NKAIN2: variants seen among roughly 807,000 people sequenced by gnomAD.
NKAIN2 encodes the protein sodium/potassium-transporting ATPase subunit beta-1-interacting protein 2.
A neutral mutation model predicts 32.6 loss-of-function variants in NKAIN2; 14 were observed. The observed-to-expected ratio is 0.43, with a 90% CI of 0.28 to 0.67. The LOEUF is 0.67. Among genes scored for constraint, NKAIN2 ranks in the 30% least tolerant of loss-of-function variants. NKAIN2 has a pLI of 0.17. For missense variants in NKAIN2, 198 were observed against 258.3 expected (o/e 0.77, Z 1.60); for synonymous variants, 80 against 87.2 (o/e 0.92, Z 0.46).
chr6:124,685,861 G>A (rs763545527), intron 4 of NKAIN2, among the ~76,000 whole-genome samples: 1 of 152,306 alleles, frequency 6.6e-6, no homozygotes, highest in East Asian at 1.9e-4. Context: ...TAACTTAGCA[G>A]CTTAAAACAA....
At chr6:124,484,946 G>T (rs1303226022) in intron 3 of NKAIN2, among the ~76,000 whole-genome samples, 1 of 151,984 alleles carries the variant, frequency 6.6e-6, no homozygotes, top group Non-Finnish European at 1.5e-5. Context: ...AAAACACATT[G>T]TGCATAATAA....
chr6:123,953,434 G>A (rs1777417470), intron 1 of NKAIN2, among the ~76,000 whole-genome samples: 1 of 152,080 alleles, frequency 6.6e-6, no homozygotes, highest in African/African-American at 2.4e-5. Flanking sequence ...CTGGGCAGTA[G>A]GCAAGTGAAG....
At chr6:124,687,467 C>T (rs1301859382) in intron 4 of NKAIN2, among the ~76,000 whole-genome samples, 1 of 106,904 alleles carries the variant, frequency 9.4e-6, no homozygotes, top group African/African-American at 3.2e-5. Context: ...CATATATACA[C>T]ATACATGGAA....
At chr6:124,700,698 G>T (rs1774734946) in intron 4 of NKAIN2, among the ~76,000 whole-genome samples, 1 of 152,034 alleles carries the variant, frequency 6.6e-6, no homozygotes, top group South Asian at 2.1e-4. Context: ...TTTAGAGCAA[G>T]AGGAACATAA....
intron 1 of NKAIN2, among the ~76,000 whole-genome samples, chr6:124,168,350 C>G (rs1582779584): frequency 6.6e-6 from 1 of 152,020 alleles, no homozygotes; most frequent in African/African-American, 2.4e-5. Context: ...GGAATTTTAG[C>G]TACAACAGAA....
intron 3 of NKAIN2, among the ~76,000 whole-genome samples, chr6:124,643,795 A>T (rs1175946079): frequency 6.6e-6 from 1 of 152,214 alleles, no homozygotes; most frequent in East Asian, 1.9e-4. Flanking sequence ...AGAAGGTAAT[A>T]GAAAACTCCA....
chr6:123,974,168 T>G (rs1778453731), intron 1 of NKAIN2, among the ~76,000 whole-genome samples: 1 of 152,146 alleles, frequency 6.6e-6, no homozygotes, highest in African/African-American at 2.4e-5. Flanking sequence ...TTATGAAGCA[T>G]TACAGGATGC....
chr6:124,731,146 A>C (rs1776645556), intron 4 of NKAIN2, among the ~76,000 whole-genome samples: 1 of 113,548 alleles, frequency 8.8e-6, no homozygotes, highest in African/African-American at 3.3e-5. Context: ...TGTGGAAGTC[A>C]GTGTGGCCAT....
chr6:124,142,712 A>T (rs762924449), intron 1 of NKAIN2, among the ~76,000 whole-genome samples: 1 of 152,232 alleles, frequency 6.6e-6, no homozygotes, highest in Non-Finnish European at 1.5e-5. Context: ...GTCTAAATGA[A>T]GTAGAAAAAA....
chr6:124,072,647 T>C (rs888955301), intron 1 of NKAIN2, among the ~76,000 whole-genome samples: 8 of 152,150 alleles, frequency 5.3e-5, no homozygotes, highest in African/African-American at 1.9e-4. Flanking sequence ...CTCTACAACA[T>C]TTCTATTCGT....
At chr6:124,343,316 C>T (rs1232338355) in intron 2 of NKAIN2, among the ~76,000 whole-genome samples, 2 of 151,506 alleles carry the variant, frequency 1.3e-5, no homozygotes, top group Non-Finnish European at 2.9e-5. Flanking sequence ...TTTATAGCAG[C>T]ATGATTTATA....
intron 2 of NKAIN2, among the ~76,000 whole-genome samples, chr6:124,293,798 G>A (rs1273455884): frequency 2.0e-5 from 3 of 151,816 alleles, no homozygotes; most frequent in South Asian, 2.1e-4. Context: ...TTAATATCTC[G>A]TAAGAGAAAA....
intron 1 of NKAIN2, among the ~76,000 whole-genome samples, chr6:124,226,862 T>C (rs1265466808): frequency 6.6e-6 from 1 of 152,116 alleles, no homozygotes; most frequent in Non-Finnish European, 1.5e-5. Context: ...GTTCATTACT[T>C]ATGATGAATT....
intron 3 of NKAIN2, among the ~76,000 whole-genome samples, chr6:124,575,929 T>C (rs1224017186): frequency 1.3e-5 from 2 of 152,204 alleles, no homozygotes; most frequent in East Asian, 3.9e-4. Context: ...GACATGTGCA[T>C]TGAAAGTGCA....
intron 1 of NKAIN2, among the ~76,000 whole-genome samples, chr6:123,865,190 G>T (rs1775935327): frequency 6.6e-6 from 1 of 151,940 alleles, no homozygotes; most frequent in Non-Finnish European, 1.5e-5. Context: ...TATATAAAAA[G>T]CCTATTGTAT....
chr6:123,858,570 T>G lies in NKAIN2; in HGVS notation c.54+54316T>G, dbSNP rs866710637. Among the ~76,000 whole-genome samples the G allele has an allele frequency of 2.6e-5, 4 of 152,342 alleles. No individual in the cohort carries two copies. The South Asian group carries it at 8.3e-4, about 32-fold the overall frequency. On this transcript the variant is annotated intron_variant, in intron 1 of 6. Coordinates refer to ENST00000368417, the MANE Select transcript of NKAIN2 (RefSeq NM_001040214.3). The stretch of plus-strand genomic sequence containing the variant: ...TAGAGGAATACAGGATAGAGGTCAT[T>G]AAAGCAGAAAGTACTGCCTTTAGAG...
chr6:124,701,892 A>G (rs1182909655), intron 4 of NKAIN2, among the ~76,000 whole-genome samples: 1 of 152,028 alleles, frequency 6.6e-6, no homozygotes, highest in East Asian at 1.9e-4. Flanking sequence ...AATTTTTAGG[A>G]TATTTTGAGA....
intron 1 of NKAIN2, among the ~76,000 whole-genome samples, chr6:124,124,755 A>G (rs1466224369): frequency 6.6e-6 from 1 of 152,178 alleles, no homozygotes; most frequent in African/African-American, 2.4e-5. Context: ...GTTCTCCTGA[A>G]TCAAGATATG....
intron 2 of NKAIN2, among the ~76,000 whole-genome samples, chr6:124,304,405 T>C (rs1162951362): frequency 6.6e-6 from 1 of 152,034 alleles, no homozygotes; most frequent in Non-Finnish European, 1.5e-5. Flanking sequence ...GGCAAGAATA[T>C]GTGGTATAAG....
Sources: gnomAD v4.1 joint callset for allele counts (sites outside exome capture counted in the v4.1 genomes callset) on GRCh38, gnomAD v4.1.1 for gene constraint, MANE v1.5 for transcripts, NCBI Gene and HGNC (gene_info 2026-07-23, HGNC 2026-07-21) for gene names.